Variants in FANCM observed in about 807,000 individuals in gnomAD.
FANCM encodes the protein Fanconi anemia group M protein.
Under a neutral mutation model 199.5 loss-of-function variants are expected in FANCM, and 140 were observed. The ratio of observed to expected loss-of-function variants is 0.70; its 90% CI spans 0.61 to 0.81. The LOEUF is 0.81. FANCM is among the 30% of genes least tolerant of loss of function. FANCM has a pLI of 0.00. For missense variants in FANCM, 2,410 were observed against 2,421.4 expected, an observed-to-expected ratio of 1.00 and a Z score of 0.10; for synonymous variants, 840 against 836.8, an observed-to-expected ratio of 1.00 and a Z score of -0.07.
chr14:45,154,167 G>A (rs1399048160), intron 6 of FANCM, 115 bp downstream of exon 6: 3 of 711,518 alleles, frequency 4.2e-6, no homozygotes, highest in Non-Finnish European at 4.7e-6. Flanking sequence ...TTGGGAAGCC[G>A]AGGTGGGTGG....
chr14:45,190,596 A>G (rs529936654), intron 20 of FANCM, among the ~76,000 whole-genome samples: 2 of 152,018 alleles, frequency 1.3e-5, no homozygotes, highest in Non-Finnish European at 2.9e-5. Flanking sequence ...ACTAACCACT[A>G]TTCTGCTCTC....
chr14:45,157,896 G>C (rs1245206351), intron 8 of FANCM, among the ~76,000 whole-genome samples: 1 of 152,114 alleles, frequency 6.6e-6, no homozygotes, highest in Non-Finnish European at 1.5e-5. Context: ...TGATGATTAA[G>C]ATAATAAAAA....
chr14:45,137,179 G>A lies in FANCM; in HGVS notation c.619G>A (p.Glu207Lys), dbSNP rs1885580576. 6.2e-7 allele frequency: 1 copy of A among 1,613,660 alleles called. No individual in the cohort carries two copies. The highest frequency in any genetic ancestry group is 1.3e-5 in the African/African-American group (1 of 74,916). Residue 207 changes from glutamate (E) to lysine (K), a missense_variant, in exon 2 of 23, where the codon GAA becomes AAA. Physicochemically the swap from Glu to Lys is moderately conservative, Grantham distance 56. Transcript: ENST00000267430. ...DLSRGACPAA[E>K]IKCLVIDEAH... ...TTCTAGAGGAGCTTGTCCCGCTGCT[G>A]AAATAAAGTGTTTAGTTATTGATGA...
chr14:45,179,609 T>G (rs972135235), intron 14 of FANCM, among the ~76,000 whole-genome samples: 15 of 147,404 alleles, frequency 1.0e-4, no homozygotes, highest in Admixed American at 4.2e-4. Context: ...TCACCCAGGC[T>G]GGAGTGCAAT....
chr14:45,175,349 G>A lies in FANCM; in HGVS notation c.2595G>A (p.Gln865=), dbSNP rs1280478322. The A allele has an allele frequency of 2.6e-6, 4 of 1,557,884 alleles. No homozygotes were observed. Among genetic ancestry groups the A allele is most frequent in the Non-Finnish European group, 3.5e-6 (4 of 1,150,094 alleles). Residue 865 remains glutamine, a synonymous_variant, in exon 14 of 23, where the codon CAG becomes CAA. Coordinates refer to ENST00000267430, the MANE Select transcript of FANCM (RefSeq NM_020937.4). ...KKVSKEIKKD[Q]LKKENNHGII... ...TGTCTAAAGAAATAAAAAAAGATCAGCTTAAAAAAGAAAATAATCACGGTA... is the reference window on the plus strand; with the variant it reads ...TGTCTAAAGAAATAAAAAAAGATCAACTTAAAAAAGAAAATAATCACGGTA...
intron 17 of FANCM, among the ~76,000 whole-genome samples, chr14:45,185,010 G>A (rs553401048): frequency 5.3e-5 from 8 of 150,892 alleles, no homozygotes; most frequent in Admixed American, 1.3e-4. Flanking sequence ...TTGAACTCCT[G>A]ACCTCAGGTG....
At position 45,136,145 on chromosome 14, in the gene FANCM, C is replaced by G. The variant is rs761652077; in HGVS notation, c.114C>G (p.Ser38=). 13 of 1,614,056 alleles carry G rather than the reference C, an allele frequency of 8.1e-6. No individual in the cohort carries two copies. The Admixed American group carries it at 2.2e-4, about 27-fold the overall frequency. ...AGCGACCTCAGAGCCCTGGCAGCTC[C>G]AAGGCGCCTTTGCCAGCAGCAGCGG... ...GTERPQSPGS[S]KAPLPAAAEA... The change falls in exon 1 of 23, where the codon TCC becomes TCG. Residue 38 remains serine, a synonymous_variant. Coordinates refer to ENST00000267430, the MANE Select transcript of FANCM (RefSeq NM_020937.4).
intron 13 of FANCM, among the ~76,000 whole-genome samples, chr14:45,173,837 A>C (rs1365634093): frequency 1.3e-5 from 2 of 152,196 alleles, no homozygotes; most frequent in Middle Eastern, 3.2e-3. Flanking sequence ...GTACACAGTA[A>C]ATTGTAGCTC....
chr14:45,199,282 A>G (rs1222832283), intron 22 of FANCM, among the ~76,000 whole-genome samples: 1 of 152,200 alleles, frequency 6.6e-6, no homozygotes, highest in Non-Finnish European at 1.5e-5. Context: ...TGATCATTAT[A>G]TTGCTTGAAG....
At chr14:45,163,299 A>T (rs548745346) in intron 9 of FANCM, among the ~76,000 whole-genome samples, 3 of 152,368 alleles carry the variant, frequency 2.0e-5, no homozygotes, top group Admixed American at 2.0e-4. Context: ...AAACTAATAT[A>T]TAAAGTACTT....
chr14:45,183,504 A>G (rs1889192762), intron 16 of FANCM, among the ~76,000 whole-genome samples: 2 of 152,176 alleles, frequency 1.3e-5, no homozygotes, highest in Admixed American at 1.3e-4. Context: ...GTGTTTGCAG[A>G]AAAAATAAAA....
In FANCM at chr14:45,155,485, G is replaced by A. The variant is rs17635457; in HGVS notation, c.1396+26G>A. 37,280 of 1,175,620 alleles carry A rather than the reference G, an allele frequency of 0.032. 838 individuals are homozygous for A. Among genetic ancestry groups the A allele is most frequent in the South Asian group, 0.063 (5,186 of 82,178 alleles). 72.8% of individuals were successfully genotyped at this position (1,175,620 alleles called of 1,614,324 possible). On this transcript the variant is annotated intron_variant, in intron 8 of 22. Transcript: ENST00000267430. ...GTAGGTCATATTTAGTAGCTTTAAG[G>A]CAAGACAAAGTTATTGCAAGAGGTA...
chr14:45,183,413 G>C (rs918423879), intron 16 of FANCM, among the ~76,000 whole-genome samples: 1 of 151,984 alleles, frequency 6.6e-6, no homozygotes, highest in Non-Finnish European at 1.5e-5. Context: ...AAATTTATAG[G>C]CTTGTTCTTT....
In FANCM at chr14:45,153,894, A is replaced by G. The variant is rs757708599; in HGVS notation, c.1051-26A>G. On this transcript the variant is annotated intron_variant, in intron 5 of 22. Transcript: ENST00000267430. ...TGTATGTTCATTTATTTCTCTGGTT[A>G]AATTTGACATATGCTGTTTTTCTAG... 2.5e-6 allele frequency: 4 copies of G among 1,599,568 alleles called. No individual in the cohort carries two copies. In the African/African-American group the frequency reaches 5.4e-5, roughly 21 times the overall value.
intron 12 of FANCM, among the ~76,000 whole-genome samples, chr14:45,172,586 A>T (rs1888410247): frequency 6.6e-6 from 1 of 152,174 alleles, no homozygotes; most frequent in Non-Finnish European, 1.5e-5. Flanking sequence ...TTTCATAAGC[A>T]TCCTTGTAAA....
chr14:45,182,155 G>T (rs1889113024), intron 16 of FANCM, among the ~76,000 whole-genome samples: 2 of 152,132 alleles, frequency 1.3e-5, no homozygotes, highest in African/African-American at 4.8e-5. Flanking sequence ...CTCGATCTCG[G>T]GAGTTCTGGC....
At chr14:45,166,841 G>C (rs754682675) in intron 10 of FANCM, 109 bp from the exon 11 acceptor site, 206 of 707,628 alleles carry the variant, frequency 2.9e-4, no homozygotes, top group Non-Finnish European at 4.3e-4. Context: ...TAAGTGGATC[G>C]GGGTTTAATT....
intron 10 of FANCM, among the ~76,000 whole-genome samples, chr14:45,165,789 G>A (rs1307137975): frequency 6.6e-6 from 1 of 152,114 alleles, no homozygotes; most frequent in African/African-American, 2.4e-5. Flanking sequence ...TCACTTGTTA[G>A]GTTTCTTATC....
chr14:45,142,958 A>C (rs914480001), intron 3 of FANCM, among the ~76,000 whole-genome samples: 1 of 152,036 alleles, frequency 6.6e-6, no homozygotes, highest in African/African-American at 2.4e-5. Context: ...TTTAGCATCC[A>C]GTGGTGGTTC....
Sources: allele counts gnomAD v4.1 joint callset (sites outside exome capture counted in the v4.1 genomes callset), GRCh38; gene constraint gnomAD v4.1.1; transcripts MANE v1.5; gene names NCBI Gene and HGNC (gene_info 2026-07-23, HGNC 2026-07-21).